The following TCF7 variants were observed in gnomAD, a reference collection of about 807,000 sequenced individuals.
TCF7 encodes T-cell-factor-7.
In TCF7, 19 loss-of-function variants were observed where a neutral mutation model predicts 46.8. The ratio of observed to expected loss-of-function variants is 0.41; its 90% CI spans 0.28 to 0.60. TCF7 has a LOEUF of 0.60. TCF7 is among the 20% of genes least tolerant of loss of function. The probability of loss-of-function intolerance (pLI) is 0.35; values close to 1 mark genes in which losing one functional copy is unlikely to be tolerated. For synonymous variants in TCF7, 245 were observed against 213.4 expected, an observed-to-expected ratio of 1.15 and a Z score of -1.29; for missense variants, 547 against 504.6, an observed-to-expected ratio of 1.08 and a Z score of -0.81.
chr5:134,110,489 C>T (rs747071425), upstream of TCF7, among the ~76,000 whole-genome samples: 4 of 152,220 alleles, frequency 2.6e-5, no homozygotes, highest in Non-Finnish European at 5.9e-5. Context: ...CACATGGACA[C>T]ACACGCCCCA....
At chr5:134,143,765 G>A in intron 9 of TCF7, 125 bp downstream of exon 9, 3 of 1,057,244 alleles carry the variant, frequency 2.8e-6, no homozygotes, top group Non-Finnish European at 4.1e-6. Context: ...TGGGGCCTAT[G>A]AAAACAAGGC....
chr5:134,109,770 C>CAAAAAAAAAAAAAA (rs59510685), upstream of TCF7, among the ~76,000 whole-genome samples: 10 of 140,308 alleles, frequency 7.1e-5, no homozygotes, highest in African/African-American at 2.8e-4. Context: ...GGCTCCATCT[C>CAAAAAAAAAAAAAA]AAAAAAAAAA....
At chr5:134,130,239 C>T (rs1290549174) in intron 3 of TCF7, among the ~76,000 whole-genome samples, 2 of 152,234 alleles carry the variant, frequency 1.3e-5, no homozygotes, top group South Asian at 2.1e-4. Flanking sequence ...TGCAGGCAAG[C>T]CCTGTCCCGC....
intron 1 of TCF7, 60 bp from the exon 2 acceptor site, chr5:134,115,261 G>C (rs1029198626): frequency 1.4e-6 from 2 of 1,472,506 alleles, no homozygotes; most frequent in Admixed American, 2.2e-5. Flanking sequence ...CCCTGCCCCG[G>C]CGTCGGCCCC....
At chr5:134,126,113 A>T (rs1161138138) in intron 3 of TCF7, among the ~76,000 whole-genome samples, 1 of 152,256 alleles carries the variant, frequency 6.6e-6, no homozygotes, top group Non-Finnish European at 1.5e-5. Context: ...CGTGGTGGCC[A>T]GGCAGGCAGA....
chr5:134,117,203 C>T (rs568982918), intron 3 of TCF7, among the ~76,000 whole-genome samples: 12 of 152,308 alleles, frequency 7.9e-5, no homozygotes, highest in Non-Finnish European at 1.6e-4. Context: ...TCTCTGTATC[C>T]GACTTTCTGC....
intron 3 of TCF7, among the ~76,000 whole-genome samples, chr5:134,117,840 A>G (rs1756038498): frequency 6.6e-6 from 1 of 152,256 alleles, no homozygotes; most frequent in South Asian, 2.1e-4. Flanking sequence ...CCGCGCAGCC[A>G]CAGTCTCCAC....
chr5:134,125,183 C>T (rs1024961502), intron 3 of TCF7, among the ~76,000 whole-genome samples: 52 of 152,286 alleles, frequency 3.4e-4, no homozygotes, highest in African/African-American at 1.1e-3. Flanking sequence ...GAGTCTAGGC[C>T]GAGGGATTCT....
chr5:134,141,971 G>T, intron 5 of TCF7: 1 of 524,312 alleles, frequency 1.9e-6, no homozygotes. Flanking sequence ...CCATCTGAAT[G>T]GCAATCTATG....
intron 5 of TCF7, 113 bp from the exon 6 acceptor site, chr5:134,142,072 A>G (rs1298842245): frequency 2.8e-6 from 4 of 1,429,040 alleles, no homozygotes; most frequent in South Asian, 2.5e-5. Context: ...AGGATAGAGT[A>G]TCTATCTGTT....
At chr5:134,135,806 G>A (rs1277784785) in intron 3 of TCF7, among the ~76,000 whole-genome samples, 1 of 152,190 alleles carries the variant, frequency 6.6e-6, no homozygotes, top group Non-Finnish European at 1.5e-5. Context: ...ACCCAGATGA[G>A]AGGAAGATGG....
chr5:134,114,928 G>T lies in TCF7; in HGVS notation c.22G>T (p.Gly8Trp). The change falls in exon 1 of 10, where the codon GGG (glycine) becomes TGG (tryptophan). Residue 8 changes from glycine (G) to tryptophan (W), a missense_variant. Physicochemically the swap from Gly to Trp is radical, Grantham distance 184 (BLOSUM62 -2). Transcript: ENST00000342854. ...CACCATGCCGCAGCTGGACTCCGGCGGGGGCGGCGCGGGCGGCGGCGACGA... is the reference window on the plus strand; with the variant it reads ...CACCATGCCGCAGCTGGACTCCGGCTGGGGCGGCGCGGGCGGCGGCGACGA... MPQLDSG[G>W]GGAGGGDDLG... 1.9e-6 allele frequency: 2 copies of T among 1,077,550 alleles called. No individual in the cohort carries two copies. The highest frequency in any genetic ancestry group is 2.6e-5 in the South Asian group (1 of 37,940). 66.7% of individuals were successfully genotyped at this position (1,077,550 alleles called of 1,614,324 possible).
rs762038938 is a variant in TCF7, at chr5:134,116,128, T to C, written c.441+95T>C. 19 of 1,479,068 alleles carry C rather than the reference T, an allele frequency of 1.3e-5. No homozygotes were observed. The Admixed American group carries it at 3.0e-4, about 23-fold the overall frequency. 91.6% of individuals were successfully genotyped at this position (1,479,068 alleles called of 1,614,324 possible). A position where few individuals can be genotyped will look rare whatever the true frequency, so the allele number is the denominator to read the frequency against. On this transcript the variant is annotated intron_variant, in intron 3 of 9. Transcript: ENST00000342854. ...CAAGAGACTTCTGCCTGGAACAAAA[T>C]AGACGAGACTCCTGTGCTGGTCTTT...
chr5:134,128,762 G>A (rs1044819995), intron 3 of TCF7, among the ~76,000 whole-genome samples: 1 of 152,058 alleles, frequency 6.6e-6, no homozygotes, highest in African/African-American at 2.4e-5. Context: ...TGGACAAGCC[G>A]TGGCGAGAGC....
chr5:134,116,109 A>C (rs1475684180), intron 3 of TCF7, 76 bp downstream of exon 3: 2 of 1,515,202 alleles, frequency 1.3e-6, no homozygotes, highest in African/African-American at 2.8e-5. Context: ...CCGGCAAGAG[A>C]CTTCTGCCTG....
intron 3 of TCF7, among the ~76,000 whole-genome samples, chr5:134,121,401 C>T (rs1279668446): frequency 6.6e-6 from 1 of 151,868 alleles, no homozygotes; most frequent in African/African-American, 2.4e-5. Flanking sequence ...CTGGCCAACA[C>T]GGTAAAACCG....
chr5:134,143,897 T>A (rs978203183), intron 9 of TCF7: 1 of 486,368 alleles, frequency 2.1e-6, no homozygotes, highest in East Asian at 3.6e-5. Context: ...TCCTCTGCCT[T>A]GCACCCACTA....
At chr5:134,119,030 T>C (rs1326630104) in intron 3 of TCF7, among the ~76,000 whole-genome samples, 1 of 152,176 alleles carries the variant, frequency 6.6e-6, no homozygotes, top group Non-Finnish European at 1.5e-5. Context: ...CTCTGAGACC[T>C]GAAAGTAGGT....
the TCF7 span, among the ~76,000 whole-genome samples, chr5:134,109,263 C>T: frequency 2.0e-5 from 3 of 152,184 alleles, no homozygotes; most frequent in African/African-American, 7.2e-5. Context: ...TTGAATAGTT[C>T]TTTCTCAATA....
Sources: allele counts gnomAD v4.1 joint callset (sites outside exome capture counted in the v4.1 genomes callset), GRCh38; gene constraint gnomAD v4.1.1; transcripts MANE v1.5; gene names NCBI Gene and HGNC (gene_info 2026-07-23, HGNC 2026-07-21).